Variants in MEGF8 observed in about 807,000 individuals in gnomAD.
MEGF8 encodes multiple epidermal growth factor-like domains protein 8.
Under a neutral mutation model 302.9 loss-of-function variants are expected in MEGF8, and 156 were observed. The observed-to-expected ratio is 0.52, with a 90% CI of 0.45 to 0.59. MEGF8 has a LOEUF of 0.59. Among genes scored for constraint, MEGF8 ranks in the 20% least tolerant of loss-of-function variants. MEGF8 has a pLI of 0.00. For synonymous variants in MEGF8, 1,621 were observed against 1,660.5 expected (o/e 0.98, Z 0.58); for missense variants, 3,345 against 3,964.5 (o/e 0.84, Z 4.20).
chr19:42,367,816 G>C (rs2039629602), intron 35 of MEGF8, among the ~76,000 whole-genome samples: 1 of 152,164 alleles, frequency 6.6e-6, no homozygotes, highest in African/African-American at 2.4e-5. Context: ...TCTCATCTCT[G>C]TCTCTTTCTG....
In MEGF8 at chr19:42,326,343, C is replaced by A. The variant is rs1216960361; in HGVS notation, c.100C>A (p.Arg34=). Residue 34 remains arginine, a synonymous_variant, in exon 1 of 42, where the codon CGG becomes AGG. Transcript: ENST00000251268. ...GARAGDCKGQ[R]QVLREAPGFV... ...CCGGGCGGGGGACTGCAAGGGGCAG[C>A]GGCAGGTGCTGCGGGAGGCGCCAGG... 6.3e-7 allele frequency: 1 copy of A among 1,582,134 alleles called. No homozygotes were observed. The highest frequency in any genetic ancestry group is 1.9e-5 in the Admixed American group (1 of 52,430).
At chr19:42,327,503 C>T (rs546931532) in intron 1 of MEGF8, among the ~76,000 whole-genome samples, 372 of 152,330 alleles carry the variant, frequency 2.4e-3, no homozygotes, top group Non-Finnish European at 3.0e-3. Flanking sequence ...AGGAATCTGT[C>T]AGGAGTGGGA....
chr19:42,346,169 G>A (rs1007750699), intron 12 of MEGF8, among the ~76,000 whole-genome samples: 2 of 152,142 alleles, frequency 1.3e-5, no homozygotes, highest in African/African-American at 4.8e-5. Flanking sequence ...CAAAGTGCTG[G>A]GATTACAGGC....
chr19:42,354,256 T>C lies in MEGF8; in HGVS notation c.4011+232T>C, dbSNP rs2039420452. On this transcript the variant is annotated intron_variant, in intron 22 of 41. Transcript: ENST00000251268. The surrounding 1 kb of genome is among the most constrained non-coding windows in gnomAD (Gnocchi z 4.3). Reference sequence around the variant, plus strand: ...TTTCCTCAGCTCCCATCTCCAATTCTCCAGATTCTCAATCTCCCCATTCCT... The same window carrying C: ...TTTCCTCAGCTCCCATCTCCAATTCCCCAGATTCTCAATCTCCCCATTCCT... 4.6e-5 allele frequency among the ~76,000 whole-genome samples: 7 copies of C among 151,810 alleles called. No individual in the cohort carries two copies. Among genetic ancestry groups the C allele is most frequent in the Admixed American group, 4.6e-4 (7 of 15,234 alleles).
Position 42,352,306 on chromosome 19 carries a change from G to T in MEGF8, c.3200G>T (p.Trp1067Leu). ...CTTCCCGTGGCCCTCCCTGCCCGCT[G>T]GGCATACGCCCGCTGTCCTGACGTG... Reference protein sequence around the residue: ...LGLPVALPARWAYARCPDVDE... With the variant: ...LGLPVALPARLAYARCPDVDE... Residue 1067 changes from tryptophan (W) to leucine (L), a missense_variant, in exon 19 of 42, where the codon TGG (tryptophan) becomes TTG (leucine). Physicochemically the swap from Trp to Leu is moderately conservative, Grantham distance 61. Coordinates refer to ENST00000251268, the MANE Select transcript of MEGF8 (RefSeq NM_001271938.2). The surrounding 1 kb of genome is among the most constrained non-coding windows in gnomAD (Gnocchi z 4.4). The T allele has an allele frequency of 6.3e-7, 1 of 1,576,700 alleles. No homozygotes were observed.
Position 42,358,464 on chromosome 19 carries a change from C to G in MEGF8, c.5175+157C>G, listed in dbSNP as rs1294497159. Among the ~76,000 whole-genome samples the G allele has an allele frequency of 6.6e-6, 1 of 152,202 alleles. No homozygotes were observed. Among genetic ancestry groups the G allele is most frequent in the Non-Finnish European group, 1.5e-5 (1 of 68,032 alleles). On this transcript the variant is annotated intron_variant, in intron 29 of 41. Transcript: ENST00000251268. The surrounding 1 kb of genome is among the most constrained non-coding windows in gnomAD (Gnocchi z 4.4). ...ACCCCCACATCTCCCCCGCTTCCAT[C>G]CCTGATTTGGAGGAGAGAACCCGAG...
chr19:42,335,348 C>T lies in MEGF8; in HGVS notation c.791C>T (p.Ala264Val), dbSNP rs1399733839. ...GACCTCGTCCTATACAACTTCTCCGCCAACACCTGGGAGTCTTGGGACCTG... is the reference window on the plus strand; with the variant it reads ...GACCTCGTCCTATACAACTTCTCCGTCAACACCTGGGAGTCTTGGGACCTG... The part of the protein sequence containing the change: ...LGDLVLYNFS[A>V]NTWESWDLSP... Residue 264 changes from alanine to valine, a missense_variant, in exon 5 of 42, where the codon GCC (alanine) becomes GTC (valine). By Grantham distance (64) the Ala-to-Val change is moderately conservative (BLOSUM62 0). Coordinates refer to ENST00000251268, the MANE Select transcript of MEGF8 (RefSeq NM_001271938.2). 1.2e-6 allele frequency: 2 copies of T among 1,613,990 alleles called. No individual in the cohort carries two copies. The highest frequency in any genetic ancestry group is 8.5e-7 in the Non-Finnish European group (1 of 1,179,878).
chr19:42,347,908 A>G (rs145535552), intron 12 of MEGF8, among the ~76,000 whole-genome samples: 329 of 152,304 alleles, frequency 2.2e-3, no homozygotes, highest in Middle Eastern at 0.02. Flanking sequence ...AGGAAAATAA[A>G]TCTTGCACTT....
At chr19:42,374,103 A>T (rs1330367130) in intron 41 of MEGF8, among the ~76,000 whole-genome samples, 2 of 152,008 alleles carry the variant, frequency 1.3e-5, no homozygotes, top group African/African-American at 2.4e-5. Flanking sequence ...GACAGTGGTG[A>T]CAGCATAGAT....
Position 42,377,856 on chromosome 19 carries a change from G to A in MEGF8, c.*1081G>A, listed in dbSNP as rs1243966181. Reference sequence around the variant, plus strand: ...AGAATGGACCGGAGGGACAAGAGGGGCAGCAGGGATGGTGGGCTGGAGTAG... The same window carrying A: ...AGAATGGACCGGAGGGACAAGAGGGACAGCAGGGATGGTGGGCTGGAGTAG... On this transcript the variant is annotated 3_prime_UTR_variant, in exon 42 of 42. Transcript: ENST00000251268. 4 of 152,508 alleles carry A rather than the reference G, an allele frequency of 2.6e-5. No homozygotes were observed. The highest frequency in any genetic ancestry group is 9.6e-5 in the African/African-American group (4 of 41,538). 9.4% of individuals were successfully genotyped at this position (152,508 alleles called of 1,614,324 possible).
chr19:42,363,016 C>T, intron 34 of MEGF8, 32 bp from the exon 35 acceptor site: 2 of 1,582,894 alleles, frequency 1.3e-6, no homozygotes, highest in Non-Finnish European at 1.7e-6. Flanking sequence ...TCTCCTGGGT[C>T]TGAGGTTCTA....
At chr19:42,355,529 G>A (rs1410671699) in intron 23 of MEGF8, among the ~76,000 whole-genome samples, 1 of 152,190 alleles carries the variant, frequency 6.6e-6, no homozygotes, top group South Asian at 2.1e-4. Flanking sequence ...ACTTGGGCTT[G>A]GATAGCAGCT....
At chr19:42,329,558 A>G (rs557472953) in intron 1 of MEGF8, among the ~76,000 whole-genome samples, 2 of 152,258 alleles carry the variant, frequency 1.3e-5, no homozygotes, top group East Asian at 3.9e-4. Context: ...ATCTTCCTCT[A>G]TCTATTATAA....
rs200748447 is a variant in MEGF8 at position 42,375,950 on chromosome 19, G to A, written c.7713G>A (p.Pro2571=). The change falls in exon 42 of 42, where the codon CCG becomes CCA. Residue 2571 remains proline, a synonymous_variant. Coordinates refer to ENST00000251268, the MANE Select transcript of MEGF8 (RefSeq NM_001271938.2). This position sits in a 1 kb window ranked among gnomAD's most constrained non-coding sequence, Gnocchi z 7.1. ...PAEPRVREVW[P]RGLITYVTVT... is the part of the protein sequence containing the mutation. ...AGCCACGGGTACGGGAGGTATGGCC[G>A]CGGGGCCTGATTACCTACGTGACGG... The A allele has an allele frequency of 7.6e-5, 122 of 1,605,856 alleles. No homozygotes were observed. In the Middle Eastern group the frequency reaches 8.3e-4, roughly 11 times the overall value.
chr19:42,341,261 C>T (rs1338183816), intron 8 of MEGF8, among the ~76,000 whole-genome samples: 1 of 152,042 alleles, frequency 6.6e-6, no homozygotes, highest in Non-Finnish European at 1.5e-5. Flanking sequence ...GAAACCCTGT[C>T]TCTACTAAAA....
chr19:42,373,567 A>AT (rs1023236360), intron 41 of MEGF8, among the ~76,000 whole-genome samples: 28 of 146,508 alleles, frequency 1.9e-4, no homozygotes, highest in Admixed American at 8.8e-4. Context: ...TACCTGGCTA[A>AT]TTTTTTTTTT....
chr19:42,347,485 T>G (rs1274759759), intron 12 of MEGF8, among the ~76,000 whole-genome samples: 3 of 151,704 alleles, frequency 2.0e-5, no homozygotes, highest in African/African-American at 7.3e-5. Flanking sequence ...GCCTGGCTGT[T>G]TTTTGTATTT....
intron 8 of MEGF8, among the ~76,000 whole-genome samples, chr19:42,341,429 CA>C (rs35096733): frequency 0.16 from 9,092 of 57,040 alleles, 186 homozygotes; most frequent in Middle Eastern, 0.25. Flanking sequence ...ACTCCATCTC[CA>C]AAAAAAAAAA....
rs1348379113 is a variant in MEGF8, at chr19:42,336,946, G to T, written c.1384G>T (p.Val462Phe). 1 of 1,613,896 alleles carries T rather than the reference G, an allele frequency of 6.2e-7. No individual in the cohort carries two copies. Among genetic ancestry groups the T allele is most frequent in the Admixed American group, 1.7e-5 (1 of 60,010 alleles). The change falls in exon 7 of 42, where the codon GTC becomes TTC. Residue 462 changes from valine to phenylalanine, a missense_variant. By Grantham distance (50) the Val-to-Phe change is conservative. Transcript: ENST00000251268. The surrounding 1 kb of genome is among the most constrained non-coding windows in gnomAD (Gnocchi z 4.8). ...CAGTGTTCTGGGCAATTACATGGTG[G>T]TCTATGGTGAGGAGGCTCCCCAATC... Reference protein sequence around the residue: ...TASVLGNYMVVYGGNVHTHYQ... With the variant: ...TASVLGNYMVFYGGNVHTHYQ...
Sources: gnomAD v4.1 joint callset for allele counts (sites outside exome capture counted in the v4.1 genomes callset) on GRCh38, gnomAD v4.1.1 for gene constraint, Gnocchi (gnomAD v3.1) non-coding constraint, MANE v1.5 for transcripts, NCBI Gene and HGNC (gene_info 2026-07-23, HGNC 2026-07-21) for gene names.